Variants in APAF1 observed in about 807,000 individuals in gnomAD.
APAF1 encodes apoptotic peptidase activating factor 1.
A neutral mutation model predicts 152.4 loss-of-function variants in APAF1; 91 were observed. The observed-to-expected ratio is 0.60, with a 90% CI of 0.50 to 0.71. The LOEUF (loss-of-function observed/expected upper bound fraction) is 0.71. Among genes scored for constraint, APAF1 ranks in the 30% least tolerant of loss-of-function variants. The pLI is 0.00. For synonymous variants in APAF1, 484 were observed against 494.1 expected, an observed-to-expected ratio of 0.98 and a Z score of 0.27; for missense variants, 1,283 against 1,472.0, an observed-to-expected ratio of 0.87 and a Z score of 2.10.
At chr12:98,669,396 G>A (rs1593044632) in intron 10 of APAF1, among the ~76,000 whole-genome samples, 1 of 152,054 alleles carries the variant, frequency 6.6e-6, no homozygotes, top group Non-Finnish European at 1.5e-5. Flanking sequence ...AGAAAAAAAC[G>A]ATGAAAAGGA....
At chr12:98,650,961 C>T (rs558072674) in intron 4 of APAF1, among the ~76,000 whole-genome samples, 120 of 152,248 alleles carry the variant, frequency 7.9e-4, no homozygotes, top group Admixed American at 2.4e-3. Context: ...ATTTAAATTG[C>T]TCTACATTAT....
At chr12:98,654,671 T>G (rs1350455630) in intron 4 of APAF1, among the ~76,000 whole-genome samples, 8 of 152,108 alleles carry the variant, frequency 5.3e-5, no homozygotes, top group African/African-American at 1.9e-4. Flanking sequence ...CCTCCCAAAG[T>G]TCTGGGATTA....
chr12:98,725,082 T>C (rs1373080830), intron 24 of APAF1, among the ~76,000 whole-genome samples: 1 of 152,228 alleles, frequency 6.6e-6, no homozygotes, highest in Non-Finnish European at 1.5e-5. Flanking sequence ...GTTGTCCTAG[T>C]CACAAGAATC....
At chr12:98,651,367 A>C (rs938809221) in intron 4 of APAF1, among the ~76,000 whole-genome samples, 1 of 152,198 alleles carries the variant, frequency 6.6e-6, no homozygotes, top group Non-Finnish European at 1.5e-5. Context: ...CTTGTAAAAT[A>C]TGTATGTTGT....
intron 15 of APAF1, among the ~76,000 whole-genome samples, chr12:98,686,113 T>C (rs1428831741): frequency 2.0e-5 from 3 of 152,366 alleles, no homozygotes; most frequent in East Asian, 1.9e-4. Flanking sequence ...ACTTATTCCA[T>C]ATTCTCAAAA....
At chr12:98,684,268 A>T (rs1384989493) in intron 15 of APAF1, among the ~76,000 whole-genome samples, 1 of 152,044 alleles carries the variant, frequency 6.6e-6, no homozygotes, top group African/African-American at 2.4e-5. Context: ...TTATTTATTT[A>T]TTTTTTCAGA....
At chr12:98,673,416 A>G (rs12099604) in intron 12 of APAF1, among the ~76,000 whole-genome samples, 17,954 of 150,646 alleles carry the variant, frequency 0.12, 1,150 homozygotes, top group East Asian at 0.24. Flanking sequence ...AGCCTGGGCA[A>G]CAAAGTGAAG....
chr12:98,675,442 T>G (rs1252352362), intron 12 of APAF1, among the ~76,000 whole-genome samples: 1 of 152,218 alleles, frequency 6.6e-6, no homozygotes, highest in African/African-American at 2.4e-5. Context: ...AGTTCTTATA[T>G]TATACAGTCG....
Position 98,732,851 on chromosome 12 carries a change from T to C in APAF1, c.*285T>C. The C allele has an allele frequency of 5.5e-6, 2 of 363,734 alleles. No individual in the cohort carries two copies. Among genetic ancestry groups the C allele is most frequent in the South Asian group, 2.8e-5 (1 of 35,848 alleles). 22.5% of individuals were successfully genotyped at this position (363,734 alleles called of 1,614,324 possible). On this transcript the variant is annotated 3_prime_UTR_variant, in exon 27 of 27. Transcript: ENST00000551964. ...TACTGTTGGTAAAATTCTGTCTTGATGCATTCAAAATGGTTGACATAATTA... is the reference window on the plus strand; with the variant it reads ...TACTGTTGGTAAAATTCTGTCTTGACGCATTCAAAATGGTTGACATAATTA...
At chr12:98,694,418 C>A (rs2097707585) in intron 16 of APAF1, among the ~76,000 whole-genome samples, 1 of 152,080 alleles carries the variant, frequency 6.6e-6, no homozygotes, top group African/African-American at 2.4e-5. Context: ...TTCCTATTTT[C>A]TCTTTCTGGA....
intron 8 of APAF1, 98 bp from the exon 9 acceptor site, chr12:98,666,092 G>T: frequency 2.7e-6 from 3 of 1,131,576 alleles, no homozygotes; most frequent in Middle Eastern, 5.4e-4. Flanking sequence ...CTTACTCAGG[G>T]CTTTAAGATA....
intron 3 of APAF1, chr12:98,649,252 A>T: frequency 1.0e-6 from 1 of 976,288 alleles, no homozygotes; most frequent in Non-Finnish European, 1.2e-6. Context: ...TGAGTAAAGC[A>T]GATATAGATA....
chr12:98,686,640 CT>C, intron 15 of APAF1, 107 bp from the exon 16 acceptor site: 1 of 1,106,222 alleles, frequency 9.0e-7, no homozygotes, highest in South Asian at 1.5e-5. Context: ...AAACATCATT[CT>C]GTAATCAAAA....
intron 15 of APAF1, among the ~76,000 whole-genome samples, chr12:98,685,747 T>G (rs1565875402): frequency 6.6e-6 from 1 of 152,194 alleles, no homozygotes; most frequent in Admixed American, 6.6e-5. Context: ...GCAATTCTTA[T>G]GCCTCAGCCT....
intron 7 of APAF1, among the ~76,000 whole-genome samples, chr12:98,664,252 C>T (rs906873904): frequency 6.7e-6 from 1 of 150,276 alleles, no homozygotes; most frequent in Admixed American, 6.6e-5. Flanking sequence ...CTCCTGACCT[C>T]GTGATCCACC....
intron 15 of APAF1, among the ~76,000 whole-genome samples, chr12:98,684,420 C>T (rs1005716842): frequency 6.6e-6 from 1 of 150,936 alleles, no homozygotes; most frequent in Non-Finnish European, 1.5e-5. Flanking sequence ...CTTTCCCTTC[C>T]TGTCACCTTC....
In APAF1 at chr12:98,645,596, TC is replaced by T. The variant is rs1357702445; in HGVS notation, c.-280del. On this transcript the variant is annotated 5_prime_UTR_variant, in exon 1 of 27. Coordinates refer to ENST00000551964, the MANE Select transcript of APAF1 (RefSeq NM_181861.2). Reference sequence around the variant, plus strand: ...AGGCTGCGTTGGGTGGACGCCCACCTCGCCAACCTTCGGAGGTCCCTGGGGG... The same window carrying T: ...AGGCTGCGTTGGGTGGACGCCCACCTGCCAACCTTCGGAGGTCCCTGGGGG... 3.9e-5 allele frequency: 6 copies of T among 152,270 alleles called. No homozygotes were observed. Among genetic ancestry groups the T allele is most frequent in the African/African-American group, 1.4e-4 (6 of 41,450 alleles). The allele number at this position is 152,270 out of a possible 1,614,324, so 9.4% of individuals were successfully genotyped here.
intron 13 of APAF1, 77 bp downstream of exon 13, chr12:98,677,628 A>T: frequency 6.4e-7 from 1 of 1,557,752 alleles, no homozygotes; most frequent in Non-Finnish European, 8.8e-7. Context: ...TTTAAATCCT[A>T]AAATTCAAGA....
At chr12:98,703,781 A>G (rs1187707414) in intron 18 of APAF1, among the ~76,000 whole-genome samples, 1 of 152,228 alleles carries the variant, frequency 6.6e-6, no homozygotes, top group Admixed American at 6.5e-5. Context: ...CAATGGAATG[A>G]CTGCTGGTCA....
Sources: allele counts gnomAD v4.1 joint callset (sites outside exome capture counted in the v4.1 genomes callset), GRCh38; gene constraint gnomAD v4.1.1; transcripts MANE v1.5; gene names NCBI Gene and HGNC (gene_info 2026-07-23, HGNC 2026-07-21).